NTRK3: variants seen among roughly 807,000 people sequenced by gnomAD.
The protein encoded by NTRK3 is NT-3 growth factor receptor.
In NTRK3, 24 loss-of-function variants were observed where a neutral mutation model predicts 91.7. That is an observed-to-expected ratio of 0.26 (90% confidence interval 0.19 to 0.37). The LOEUF is 0.37. Among genes scored for constraint, NTRK3 ranks in the 10% least tolerant of loss-of-function variants. The pLI is 1.00. For missense variants in NTRK3, 880 were observed against 1,068.9 expected (o/e 0.82, Z 2.46); for synonymous variants, 483 against 404.0 (o/e 1.20, Z -2.34).
At chr15:88,110,162 T>C (rs1303385158) in intron 13 of NTRK3, among the ~76,000 whole-genome samples, 1 of 152,058 alleles carries the variant, frequency 6.6e-6, no homozygotes, top group Non-Finnish European at 1.5e-5. Flanking sequence ...GGAAGAAATC[T>C]TAGTGTCATG....
At chr15:88,128,613 G>C (rs1049027334) in intron 11 of NTRK3, 98 bp downstream of exon 11, 8 of 1,286,238 alleles carry the variant, frequency 6.2e-6, no homozygotes, top group Non-Finnish European at 9.1e-6. Context: ...CCATGGGCCA[G>C]GGATGATGTG....
intron 10 of NTRK3, among the ~76,000 whole-genome samples, chr15:88,130,543 C>T (rs1386874782): frequency 1.3e-5 from 2 of 152,092 alleles, no homozygotes; most frequent in Non-Finnish European, 2.9e-5. Flanking sequence ...TCAACACCCC[C>T]AGTACCAAAA....
intron 3 of NTRK3, among the ~76,000 whole-genome samples, chr15:88,236,514 T>TAAAAAAAAAAAAAAAAAAAA (rs60187446): frequency 1.9e-5 from 1 of 53,770 alleles, no homozygotes; most frequent in Non-Finnish European, 3.6e-5. Flanking sequence ...CCTCTATTAT[T>TAAAAAAAAAAAAAAAAAAAA]AAAAAAAAAA....
chr15:88,071,986 C>G (rs1048094393), intron 13 of NTRK3, among the ~76,000 whole-genome samples: 6 of 151,876 alleles, frequency 4.0e-5, no homozygotes, highest in African/African-American at 1.2e-4. Flanking sequence ...CTCACAGACC[C>G]CAGGCAAAAT....
intron 13 of NTRK3, among the ~76,000 whole-genome samples, chr15:88,046,773 C>T (rs1373350247): frequency 1.3e-5 from 2 of 152,208 alleles, no homozygotes; most frequent in Non-Finnish European, 2.9e-5. Context: ...TCTCTTGGCT[C>T]ACTCATCCCT....
At chr15:87,915,763 C>A (rs1452418221) in intron 17 of NTRK3, among the ~76,000 whole-genome samples, 1 of 152,020 alleles carries the variant, frequency 6.6e-6, no homozygotes, top group Non-Finnish European at 1.5e-5. Flanking sequence ...CTATTGGGTG[C>A]CTAATGGGTA....
intron 10 of NTRK3, among the ~76,000 whole-genome samples, chr15:88,129,126 A>T (rs1002388491): frequency 2.0e-5 from 3 of 152,226 alleles, no homozygotes; most frequent in African/African-American, 7.2e-5. Context: ...ATTCTTTGAA[A>T]ATGCCAGGTA....
intron 3 of NTRK3, among the ~76,000 whole-genome samples, chr15:88,207,671 T>C (rs2048908133): frequency 6.6e-6 from 1 of 152,188 alleles, no homozygotes; most frequent in Non-Finnish European, 1.5e-5. Flanking sequence ...CAGAGGCCTC[T>C]GCTGCAGGCA....
chr15:88,030,991 C>T (rs145883016), intron 14 of NTRK3, among the ~76,000 whole-genome samples: 89 of 152,252 alleles, frequency 5.8e-4, no homozygotes, highest in African/African-American at 2.1e-3. Context: ...GGCTAGTGTT[C>T]CTTAGCTTAG....
At chr15:87,933,869 T>C (rs966875405) in intron 15 of NTRK3, among the ~76,000 whole-genome samples, 11 of 152,030 alleles carry the variant, frequency 7.2e-5, no homozygotes, top group Admixed American at 4.6e-4. Context: ...CCAGGCAGAG[T>C]CCTTCAAAGT....
chr15:88,082,355 T>C (rs377037164), intron 13 of NTRK3, among the ~76,000 whole-genome samples: 2 of 151,430 alleles, frequency 1.3e-5, no homozygotes, highest in East Asian at 1.9e-4. Flanking sequence ...AGAGAATGAA[T>C]TTTTTACTTT....
At chr15:87,868,266 C>T (rs2064741512) in exon 19 of NTRK3, 1 of 229,308 alleles carries the variant, frequency 4.4e-6, no homozygotes, top group African/African-American at 2.2e-5. Flanking sequence ...TAGAATAAAA[C>T]ACAATGCTGA....
chr15:88,037,009 G>A (rs191214879), intron 13 of NTRK3, among the ~76,000 whole-genome samples: 1 of 152,318 alleles, frequency 6.6e-6, no homozygotes, highest in Admixed American at 6.5e-5. Flanking sequence ...ATCTAAAACA[G>A]TCTCCACCTT....
intron 3 of NTRK3, among the ~76,000 whole-genome samples, chr15:88,254,433 G>A (rs1472561026): frequency 1.3e-5 from 2 of 152,174 alleles, no homozygotes; most frequent in African/African-American, 4.8e-5. Context: ...AAGAGGGTAA[G>A]GGGGTGAACA....
intron 16 of NTRK3, chr15:87,931,176 T>G (rs764173402): frequency 1.9e-6 from 1 of 516,174 alleles, no homozygotes. Context: ...ATGACAGTAG[T>G]GCAGAGGCAC....
intron 13 of NTRK3, among the ~76,000 whole-genome samples, chr15:88,121,479 T>G (rs954135436): frequency 6.6e-6 from 1 of 152,246 alleles, no homozygotes; most frequent in African/African-American, 2.4e-5. Context: ...TCATGATCTT[T>G]TAATGCCTAA....
intron 13 of NTRK3, among the ~76,000 whole-genome samples, chr15:88,066,584 G>A (rs2046669637): frequency 6.6e-6 from 1 of 152,176 alleles, no homozygotes; most frequent in Non-Finnish European, 1.5e-5. Flanking sequence ...CTCCTGGATG[G>A]ACAGGGAAGA....
At chr15:88,076,312 AG>A (rs1192407960) in intron 13 of NTRK3, among the ~76,000 whole-genome samples, 1 of 152,166 alleles carries the variant, frequency 6.6e-6, no homozygotes, top group Non-Finnish European at 1.5e-5. Flanking sequence ...CCCATGATTC[AG>A]TTACCTCCCA....
intron 8 of NTRK3, 129 bp from the exon 9 acceptor site, chr15:88,136,169 A>T: frequency 4.1e-6 from 5 of 1,222,692 alleles, no homozygotes; most frequent in Non-Finnish European, 4.8e-6. Flanking sequence ...TTTGTGTGAA[A>T]GCACACTGGC....
Sources: gnomAD v4.1 joint callset for allele counts (sites outside exome capture counted in the v4.1 genomes callset) on GRCh38, gnomAD v4.1.1 for gene constraint, MANE v1.5 for transcripts, NCBI Gene and HGNC (gene_info 2026-07-23, HGNC 2026-07-21) for gene names.